GLRA2: variants seen among roughly 807,000 people sequenced by gnomAD.
GLRA2 encodes the protein glycine receptor subunit alpha-2.
GLRA2 carries 11 observed loss-of-function variants against 31.6 expected under a neutral mutation model. The observed-to-expected ratio is 0.35, with a 90% confidence interval of 0.22 to 0.58. The LOEUF (loss-of-function observed/expected upper bound fraction) is 0.58, where lower values mean the gene tolerates loss of function less well. Among genes scored for constraint, GLRA2 ranks in the 20% least tolerant of loss-of-function variants. The pLI, the probability that GLRA2 is intolerant of heterozygous loss-of-function variation, is 0.84. For synonymous variants in GLRA2, 132 were observed against 134.0 expected, an observed-to-expected ratio of 0.99 and a Z score of 0.10; for missense variants, 212 against 351.8, an observed-to-expected ratio of 0.60 and a Z score of 3.18.
chrX:14,611,556 A>G (rs1188720677), intron 7 of GLRA2, among the ~76,000 whole-genome samples: 1 of 112,889 alleles, frequency 8.9e-6, no homozygotes, highest in Non-Finnish European at 1.9e-5. Flanking sequence ...TTATAAATAC[A>G]TTTGCATAGG....
the GLRA2 span, among the ~76,000 whole-genome samples, chrX:14,466,824 G>A: frequency 8.9e-6 from 1 of 112,260 alleles, no homozygotes; most frequent in Non-Finnish European, 1.9e-5. Context: ...GTCCCAGTAA[G>A]ATAGCTGCAA....
chrX:14,582,792 G>A (rs1165435744), intron 4 of GLRA2, among the ~76,000 whole-genome samples: 2 of 111,953 alleles, frequency 1.8e-5, no homozygotes, highest in Non-Finnish European at 3.8e-5. Flanking sequence ...CTTAAATGTT[G>A]CAGACCAGAT....
chrX:14,574,726 T>C (rs1251291107), intron 3 of GLRA2, among the ~76,000 whole-genome samples: 1 of 112,125 alleles, frequency 8.9e-6, no homozygotes, highest in East Asian at 2.8e-4. Context: ...ATTTGTCAAG[T>C]GTTCATTACT....
chrX:14,477,063 C>A, the GLRA2 span, among the ~76,000 whole-genome samples: 1 of 111,584 alleles, frequency 9.0e-6, no homozygotes, highest in Admixed American at 9.6e-5. Context: ...GGTAGGCAAT[C>A]ATCCTCTCTT....
chrX:14,570,141 G>T (rs1349642137), intron 2 of GLRA2, among the ~76,000 whole-genome samples: 1 of 111,607 alleles, frequency 9.0e-6, no homozygotes, highest in East Asian at 2.8e-4. Context: ...GTTGTTATTT[G>T]GTGTGATTGA....
chrX:14,461,505 G>C, the GLRA2 span, among the ~76,000 whole-genome samples: 1 of 111,888 alleles, frequency 8.9e-6, no homozygotes, highest in Non-Finnish European at 1.9e-5. Context: ...AGGTCTCTAA[G>C]AACTTGCTTT....
chrX:14,724,436 G>A (rs1428729008), intron 8 of GLRA2, among the ~76,000 whole-genome samples: 2 of 108,869 alleles, frequency 1.8e-5, no homozygotes, highest in African/African-American at 3.4e-5. Context: ...GACCAGCCTG[G>A]CCAAAATGGT....
chrX:14,682,980 T>C (rs1286181615), intron 7 of GLRA2, among the ~76,000 whole-genome samples: 4 of 111,730 alleles, frequency 3.6e-5, no homozygotes, highest in Non-Finnish European at 5.6e-5. Context: ...TTCCAAGTCT[T>C]TGCTATTGTG....
intron 6 of GLRA2, 24 bp downstream of exon 6, chrX:14,607,292 T>TTC: frequency 9.0e-7 from 1 of 1,111,328 alleles, no homozygotes; most frequent in Non-Finnish European, 1.2e-6. Context: ...TTTTTTTTTT[T>TTC]CAGCTGTTAA....
the GLRA2 span, among the ~76,000 whole-genome samples, chrX:14,465,427 T>A: frequency 1.8e-5 from 2 of 112,340 alleles, no homozygotes; most frequent in African/African-American, 6.5e-5. Flanking sequence ...TCTTTCCCAA[T>A]TTGGATGCCC....
upstream of GLRA2, among the ~76,000 whole-genome samples, chrX:14,527,626 AAAAG>A (rs1442363468): frequency 9.0e-6 from 1 of 110,763 alleles, no homozygotes; most frequent in Non-Finnish European, 1.9e-5. Context: ...GAAAAAAAAA[AAAAG>A]AGAAATGATT....
At chrX:14,612,587 A>G (rs1268094249) in intron 7 of GLRA2, among the ~76,000 whole-genome samples, 5 of 111,652 alleles carry the variant, frequency 4.5e-5, no homozygotes, top group Non-Finnish European at 9.4e-5. Context: ...ATGTCCGTCA[A>G]TGATAGACTG....
chrX:14,646,743 C>A (rs1310904041), intron 7 of GLRA2, among the ~76,000 whole-genome samples: 1 of 111,410 alleles, frequency 9.0e-6, no homozygotes, highest in Non-Finnish European at 1.9e-5. Flanking sequence ...GTGATATAGT[C>A]CAGAGGTGGG....
the GLRA2 span, among the ~76,000 whole-genome samples, chrX:14,467,187 G>T: frequency 5.7e-4 from 64 of 112,262 alleles, no homozygotes; most frequent in South Asian, 0.022. Flanking sequence ...TAATATATTA[G>T]CTTTGGTGTA....
chrX:14,555,594 T>A (rs912832196), intron 2 of GLRA2, among the ~76,000 whole-genome samples: 1 of 112,097 alleles, frequency 8.9e-6, no homozygotes, highest in African/African-American at 3.2e-5. Flanking sequence ...GTGTTTCTCA[T>A]TGGTGATTGT....
the GLRA2 span, among the ~76,000 whole-genome samples, chrX:14,460,753 C>T: frequency 3.6e-5 from 4 of 111,466 alleles, no homozygotes; most frequent in Non-Finnish European, 3.8e-5. Context: ...CTCTTTTCCT[C>T]TTTATTAGTC....
At chrX:14,542,545 C>T (rs2089419787) in intron 2 of GLRA2, among the ~76,000 whole-genome samples, 1 of 109,688 alleles carries the variant, frequency 9.1e-6, no homozygotes, top group East Asian at 2.9e-4. Flanking sequence ...AACAGGGGAT[C>T]AGTTAGCATC....
intron 4 of GLRA2, among the ~76,000 whole-genome samples, chrX:14,587,861 C>T (rs1012413772): frequency 9.1e-6 from 1 of 110,051 alleles, no homozygotes; most frequent in Non-Finnish European, 1.9e-5. Flanking sequence ...AAATAATTTT[C>T]CAAGGCCAGT....
At chrX:14,606,105 C>T (rs1479014881) in intron 5 of GLRA2, among the ~76,000 whole-genome samples, 1 of 104,404 alleles carries the variant, frequency 9.6e-6, no homozygotes, top group Non-Finnish European at 1.9e-5. Context: ...TTCTGGGTAG[C>T]TCTGGCGAGT....
Sources: allele counts gnomAD v4.1 joint callset (sites outside exome capture counted in the v4.1 genomes callset), GRCh38; gene constraint gnomAD v4.1.1; transcripts MANE v1.5; gene names NCBI Gene and HGNC (gene_info 2026-07-23, HGNC 2026-07-21).